Variants in RIMBP2 observed in about 807,000 individuals in gnomAD.
The protein encoded by RIMBP2 is RIMS binding protein 2, also known as RIMS-binding protein 2.
Under a neutral mutation model 118.6 loss-of-function variants are expected in RIMBP2, and 48 were observed. That is an observed-to-expected ratio of 0.40 (90% CI 0.32 to 0.51). The LOEUF (loss-of-function observed/expected upper bound fraction) is 0.51. Among genes scored for constraint, RIMBP2 ranks in the 20% least tolerant of loss-of-function variants. The pLI, the probability that RIMBP2 is intolerant of heterozygous loss-of-function variation, is 0.41. For missense variants in RIMBP2, 1,551 were observed against 1,768.3 expected, an observed-to-expected ratio of 0.88 and a Z score of 2.20; for synonymous variants, 762 against 742.9, an observed-to-expected ratio of 1.03 and a Z score of -0.42.
chr12:130,499,986 T>A (rs11060957), intron 4 of RIMBP2, among the ~76,000 whole-genome samples: 51,191 of 152,154 alleles, frequency 0.34, 9,285 homozygotes, highest in East Asian at 0.44. Flanking sequence ...CATGTGCAAG[T>A]TTGTTATATA....
chr12:130,681,090 C>T (rs917154004), intron 1 of RIMBP2, among the ~76,000 whole-genome samples: 10 of 152,110 alleles, frequency 6.6e-5, no homozygotes, highest in African/African-American at 2.4e-4. Flanking sequence ...CTGAATATTT[C>T]AAAAGAGGAA....
chr12:130,679,939 C>T (rs911807405), intron 1 of RIMBP2, among the ~76,000 whole-genome samples: 156 of 150,570 alleles, frequency 1.0e-3, no homozygotes, highest in African/African-American at 3.7e-3. Flanking sequence ...GCGGGAAGGA[C>T]CCGTGAGTGT....
chr12:130,664,443 A>ACGTG (rs1443250789), intron 1 of RIMBP2, among the ~76,000 whole-genome samples: 29 of 64,598 alleles, frequency 4.5e-4, no homozygotes, highest in African/African-American at 1.3e-3. Context: ...ATGCACGCAC[A>ACGTG]CACGCACACA....
At chr12:130,589,444 C>T (rs550414656) in intron 2 of RIMBP2, among the ~76,000 whole-genome samples, 1 of 152,352 alleles carries the variant, frequency 6.6e-6, no homozygotes, top group African/African-American at 2.4e-5. Context: ...GCAAACAAAG[C>T]TCCTTATTTC....
intron 1 of RIMBP2, among the ~76,000 whole-genome samples, chr12:130,684,045 G>GAAACAT (rs1594199748): frequency 6.6e-6 from 1 of 152,002 alleles, no homozygotes; most frequent in East Asian, 2.0e-4. Context: ...AGTCTGATAA[G>GAAACAT]AAACATTTAC....
intron 1 of RIMBP2, among the ~76,000 whole-genome samples, chr12:130,648,351 A>G (rs1368374759): frequency 6.9e-6 from 1 of 145,804 alleles, no homozygotes; most frequent in East Asian, 1.9e-4. Context: ...ATCATAATGG[A>G]CAGGACTGAA....
intron 2 of RIMBP2, among the ~76,000 whole-genome samples, chr12:130,555,923 A>G (rs1000273162): frequency 6.6e-6 from 1 of 152,232 alleles, no homozygotes; most frequent in Admixed American, 6.5e-5. Flanking sequence ...ATACATTTCA[A>G]TGAGCCAGGC....
At chr12:130,501,054 G>A (rs1402514797) in intron 4 of RIMBP2, among the ~76,000 whole-genome samples, 1 of 152,052 alleles carries the variant, frequency 6.6e-6, no homozygotes, top group Non-Finnish European at 1.5e-5. Context: ...ACCCTGAACC[G>A]CACATCCCCA....
chr12:130,702,547 A>AGAAGGAAGGAAGGAAGGAAGGAAG (rs57904486), intron 1 of RIMBP2, among the ~76,000 whole-genome samples: 61 of 141,968 alleles, frequency 4.3e-4, no homozygotes, highest in East Asian at 1.9e-3. Context: ...AAAACAAGAA[A>AGAAGGAAGGAAGGAAGGAAGGAAG]GAAGGAAGGA....
At chr12:130,564,911 C>A (rs112889001) in intron 2 of RIMBP2, among the ~76,000 whole-genome samples, 77 of 152,234 alleles carry the variant, frequency 5.1e-4, no homozygotes, top group African/African-American at 1.7e-3. Context: ...AACAAGGAAA[C>A]CCAAGAAAAC....
intron 1 of RIMBP2, among the ~76,000 whole-genome samples, chr12:130,650,950 G>GTTT (rs60984430): frequency 3.2e-5 from 4 of 126,362 alleles, no homozygotes; most frequent in South Asian, 2.6e-4. Context: ...ACACAGCCTT[G>GTTT]TTTTTTTTAA....
At chr12:130,635,676 C>T (rs12817379) in intron 1 of RIMBP2, among the ~76,000 whole-genome samples, 8,596 of 152,250 alleles carry the variant, frequency 0.056, 310 homozygotes, top group Non-Finnish European at 0.078. Flanking sequence ...GACACCAATT[C>T]GTGACTCACA....
At chr12:130,429,010 T>A (rs2076984169) in intron 14 of RIMBP2, 1 of 152,262 alleles carries the variant, frequency 6.6e-6, no homozygotes, top group African/African-American at 2.4e-5. Context: ...GGCAGGAGAA[T>A]GGCGTGAGCC....
chr12:130,484,058 T>C (rs1421315142), intron 4 of RIMBP2, among the ~76,000 whole-genome samples: 1 of 152,130 alleles, frequency 6.6e-6, no homozygotes, highest in East Asian at 1.9e-4. Context: ...ATGGGAAGGA[T>C]AGACTGGAGG....
intron 2 of RIMBP2, among the ~76,000 whole-genome samples, chr12:130,624,238 A>G (rs1235621664): frequency 1.3e-5 from 2 of 152,250 alleles, no homozygotes; most frequent in Non-Finnish European, 1.5e-5. Flanking sequence ...ATACAAAATT[A>G]TAGGACAGAG....
rs118021125 is a variant in RIMBP2 at position 130,666,537 on chromosome 12, C to A, written c.-351-38081G>T. Among the ~76,000 whole-genome samples, 741 of 152,280 alleles carry A rather than the reference C, an allele frequency of 4.9e-3. 10 individuals carry two copies. The East Asian group carries it at 0.056, about 12-fold the overall frequency. ...ACTCAATGCACCCCAGTTTCACTATCGCCTGCTGTGAGCTCAATCCTGTGT... is the reference window on the plus strand; with the variant it reads ...ACTCAATGCACCCCAGTTTCACTATAGCCTGCTGTGAGCTCAATCCTGTGT... On this transcript the variant is annotated intron_variant, in intron 1 of 22. Transcript: ENST00000690449.
intron 1 of RIMBP2, chr12:130,658,953 G>A (rs34097192): frequency 0.52 from 78,559 of 150,728 alleles, 21,351 homozygotes; most frequent in Non-Finnish European, 0.62. Context: ...CCTCCACCAT[G>A]CCAACCTCCC....
chr12:130,494,707 A>G (rs2048979586), intron 4 of RIMBP2, among the ~76,000 whole-genome samples: 1 of 151,762 alleles, frequency 6.6e-6, no homozygotes, highest in African/African-American at 2.4e-5. Context: ...GGAGGCCTCC[A>G]GGACCCTGCA....
At chr12:130,652,666 A>C (rs1452710428) in intron 1 of RIMBP2, among the ~76,000 whole-genome samples, 3 of 152,198 alleles carry the variant, frequency 2.0e-5, no homozygotes, top group Non-Finnish European at 1.5e-5. Context: ...TTTCATTGCT[A>C]TAAAGAAATA....
Sources: allele counts gnomAD v4.1 joint callset (sites outside exome capture counted in the v4.1 genomes callset), GRCh38; gene constraint gnomAD v4.1.1; transcripts MANE v1.5; gene names NCBI Gene and HGNC (gene_info 2026-07-23, HGNC 2026-07-21).